Variants in FOXP1 observed in about 807,000 individuals in gnomAD.
FOXP1 encodes the protein forkhead box P1, also known as forkhead box protein P1.
Under a neutral mutation model 98.2 loss-of-function variants are expected in FOXP1, and 15 were observed. The observed-to-expected ratio is 0.15, with a 90% confidence interval of 0.10 to 0.24. FOXP1 has a LOEUF of 0.24. Among genes scored for constraint, FOXP1 ranks in the 10% least tolerant of loss-of-function variants. The probability of loss-of-function intolerance (pLI) is 1.00; values close to 1 mark genes in which losing one functional copy is unlikely to be tolerated. For missense variants in FOXP1, 633 were observed against 848.5 expected (o/e 0.75, Z 3.15); for synonymous variants, 371 against 314.5 (o/e 1.18, Z -1.90).
At chr3:70,989,739 A>G (rs2040317875) in intron 13 of FOXP1, among the ~76,000 whole-genome samples, 1 of 152,170 alleles carries the variant, frequency 6.6e-6, no homozygotes, top group African/African-American at 2.4e-5. Flanking sequence ...ATGCTGAACA[A>G]TACAAATTAA....
chr3:71,503,756 C>G (rs991858998), intron 2 of FOXP1, among the ~76,000 whole-genome samples: 1 of 152,080 alleles, frequency 6.6e-6, no homozygotes, highest in Non-Finnish European at 1.5e-5. Flanking sequence ...GAGCCTCATC[C>G]ATCATTCAGG....
chr3:71,543,917 A>G (rs1160050535), intron 2 of FOXP1, among the ~76,000 whole-genome samples: 1 of 151,620 alleles, frequency 6.6e-6, no homozygotes, highest in Non-Finnish European at 1.5e-5. Context: ...TCTTTTGAAT[A>G]TATTTGTAAA....
intron 3 of FOXP1, among the ~76,000 whole-genome samples, chr3:71,393,658 T>G (rs2081187525): frequency 6.6e-6 from 1 of 152,202 alleles, no homozygotes; most frequent in Admixed American, 6.5e-5. Context: ...GAAAATGATT[T>G]CTAAGCAAAA....
intron 5 of FOXP1, among the ~76,000 whole-genome samples, chr3:71,205,509 A>T (rs995082929): frequency 1.3e-5 from 2 of 151,614 alleles, no homozygotes; most frequent in Non-Finnish European, 1.5e-5. Flanking sequence ...AGCATGTTTT[A>T]AAAAAAAACA....
chr3:71,539,135 G>A lies in FOXP1; in HGVS notation c.-298+42414C>T, dbSNP rs376281157. Among the ~76,000 whole-genome samples the A allele has an allele frequency of 5.8e-3, 513 of 88,736 alleles. 4 individuals are homozygous for A. The highest frequency in any genetic ancestry group is 0.022 in the African/African-American group (466 of 21,248). The allele number at this position is 88,736 out of a possible 152,430, so 58.2% of individuals were successfully genotyped here. A position where few individuals can be genotyped will look rare whatever the true frequency, so the allele number is the denominator to read the frequency against. ...TTTTTATTTTTTTTTTGTTTGAGAT[G>A]GGGTCTCGCTCTGTCGCCCAGGCTG... On this transcript the variant is annotated intron_variant, in intron 2 of 20. Transcript: ENST00000649528.
intron 3 of FOXP1, among the ~76,000 whole-genome samples, chr3:71,491,111 G>T (rs990765676): frequency 6.6e-6 from 1 of 152,178 alleles, no homozygotes; most frequent in Non-Finnish European, 1.5e-5. Context: ...CACCTCCTGG[G>T]TTCAAGGAAT....
chr3:71,438,872 CT>C (rs1327865466), intron 3 of FOXP1, among the ~76,000 whole-genome samples: 9 of 152,142 alleles, frequency 5.9e-5, no homozygotes, highest in African/African-American at 2.2e-4. Context: ...GGCTGGAGGA[CT>C]GAGCATCCCA....
At chr3:71,523,083 G>A (rs1041736433) in intron 2 of FOXP1, among the ~76,000 whole-genome samples, 7 of 152,154 alleles carry the variant, frequency 4.6e-5, no homozygotes, top group Non-Finnish European at 7.4e-5. Context: ...ACTGGTGTCT[G>A]TAAAAAGGGG....
chr3:71,205,337 C>T (rs2063956159), intron 5 of FOXP1, among the ~76,000 whole-genome samples: 1 of 152,158 alleles, frequency 6.6e-6, no homozygotes, highest in Non-Finnish European at 1.5e-5. Flanking sequence ...AAGGATAGCA[C>T]TGTAACACCA....
chr3:71,358,876 A>G (rs1447577112), intron 4 of FOXP1, among the ~76,000 whole-genome samples: 9 of 152,140 alleles, frequency 5.9e-5, no homozygotes, highest in African/African-American at 4.8e-5. Context: ...GAGGATGACA[A>G]TATTTCCTAT....
chr3:71,509,281 T>C (rs756770578), intron 2 of FOXP1, among the ~76,000 whole-genome samples: 1 of 152,174 alleles, frequency 6.6e-6, no homozygotes, highest in Non-Finnish European at 1.5e-5. Context: ...CTCATGACTC[T>C]AGAAGCTGAA....
intron 3 of FOXP1, among the ~76,000 whole-genome samples, chr3:71,456,423 C>A (rs915000227): frequency 6.6e-6 from 1 of 152,138 alleles, no homozygotes; most frequent in African/African-American, 2.4e-5. Context: ...GCACGTGAGA[C>A]CTGATTCACA....
At position 71,372,233 on chromosome 3, in the gene FOXP1, G is replaced by C. The variant is rs2079388767; in HGVS notation, c.-167-12989C>G. 2.0e-5 allele frequency among the ~76,000 whole-genome samples: 3 copies of C among 150,056 alleles called. 1 individual carries two copies. Among genetic ancestry groups the C allele is most frequent in the African/African-American group, 7.4e-5 (3 of 40,610 alleles). ...GACAGGGTTTTGCCTTGTTAGTCAA[G>C]GTGGTCTCGAACTCCTGACTTGAGG... On this transcript the variant is annotated intron_variant, in intron 3 of 20. Coordinates refer to ENST00000649528, the MANE Select transcript of FOXP1 (RefSeq NM_001349338.3).
At chr3:71,213,810 C>T (rs911359121) in intron 5 of FOXP1, among the ~76,000 whole-genome samples, 2 of 151,816 alleles carry the variant, frequency 1.3e-5, no homozygotes, top group Non-Finnish European at 2.9e-5. Context: ...AGCAAGACTC[C>T]ATTTCAAAAA....
chr3:71,187,191 A>G (rs1341981411), intron 6 of FOXP1, among the ~76,000 whole-genome samples: 1 of 152,272 alleles, frequency 6.6e-6, no homozygotes, highest in East Asian at 1.9e-4. Context: ...CAATCTTGAC[A>G]ATTACAATTG....
chr3:71,524,498 C>T (rs915523462), intron 2 of FOXP1, among the ~76,000 whole-genome samples: 36 of 143,982 alleles, frequency 2.5e-4, no homozygotes, highest in African/African-American at 8.1e-4. Context: ...TGGGTTTCTA[C>T]AGGAGTTAAT....
chr3:71,277,801 GTATT>G (rs2071073218), intron 5 of FOXP1, among the ~76,000 whole-genome samples: 1 of 151,712 alleles, frequency 6.6e-6, no homozygotes, highest in African/African-American at 2.4e-5. Context: ...TGGTGTTGGA[GTATT>G]TATTTAATTA....
At position 71,339,081 on chromosome 3, in the gene FOXP1, T is replaced by C. The variant is rs2076858791; in HGVS notation, c.-73+20069A>G. Among the ~76,000 whole-genome samples, 3 of 152,250 alleles carry C rather than the reference T, an allele frequency of 2.0e-5. No individual in the cohort carries two copies. In the South Asian group the frequency reaches 6.2e-4, roughly 32 times the overall value. Reference sequence around the variant, plus strand: ...TATGTTTACTAGTGTCTGGATATGATCCAAATATTCTCTTCAGCTCTCTTT... The same window carrying C: ...TATGTTTACTAGTGTCTGGATATGACCCAAATATTCTCTTCAGCTCTCTTT... On this transcript the variant is annotated intron_variant, in intron 4 of 20. Transcript: ENST00000649528.
At chr3:71,373,177 G>A (rs887277328) in intron 3 of FOXP1, among the ~76,000 whole-genome samples, 11 of 152,168 alleles carry the variant, frequency 7.2e-5, no homozygotes, top group African/African-American at 2.4e-4. Flanking sequence ...TTTTAAGATA[G>A]TACACCCATA....
Sources: allele counts gnomAD v4.1 joint callset (sites outside exome capture counted in the v4.1 genomes callset), GRCh38; gene constraint gnomAD v4.1.1; transcripts MANE v1.5; gene names NCBI Gene and HGNC (gene_info 2026-07-23, HGNC 2026-07-21).